Variants in ZNF385D observed in about 807,000 individuals in gnomAD.
The protein encoded by ZNF385D is zinc finger protein 385D.
A neutral mutation model predicts 35.8 loss-of-function variants in ZNF385D; 15 were observed. The ratio of observed to expected loss-of-function variants is 0.42; its 90% CI spans 0.28 to 0.64. The LOEUF (loss-of-function observed/expected upper bound fraction) is 0.64, where lower values mean the gene tolerates loss of function less well. Ranked by LOEUF, ZNF385D falls within the 30% of genes least tolerant of loss-of-function variation. The probability of loss-of-function intolerance (pLI) is 0.23; values close to 1 mark genes in which losing one functional copy is unlikely to be tolerated. For synonymous variants in ZNF385D, 212 were observed against 186.8 expected (o/e 1.13, Z -1.10); for missense variants, 474 against 494.6 (o/e 0.96, Z 0.39).
intron 7 of ZNF385D, among the ~76,000 whole-genome samples, chr3:21,422,058 G>C (rs1030201627): frequency 2.0e-5 from 3 of 152,098 alleles, no homozygotes; most frequent in Non-Finnish European, 2.9e-5. Context: ...TCTCTACAAA[G>C]CCAGTTCATT....
intron 3 of ZNF385D, among the ~76,000 whole-genome samples, chr3:21,838,958 C>G (rs1010880075): frequency 6.6e-6 from 1 of 151,998 alleles, no homozygotes; most frequent in Non-Finnish European, 1.5e-5. Context: ...TCTGTCGATG[C>G]TTACAGCAGT....
At chr3:22,361,743 A>C (rs1157800283) in intron 2 of ZNF385D, among the ~76,000 whole-genome samples, 1 of 151,994 alleles carries the variant, frequency 6.6e-6, no homozygotes, top group Admixed American at 6.6e-5. Flanking sequence ...TGAGTCAAAA[A>C]TAGTTCACTA....
At chr3:21,436,379 G>A (rs971942279) in intron 5 of ZNF385D, among the ~76,000 whole-genome samples, 11 of 152,210 alleles carry the variant, frequency 7.2e-5, no homozygotes, top group Admixed American at 5.9e-4. Flanking sequence ...CCTTCTCTGA[G>A]CTTCAAACAA....
intron 2 of ZNF385D, among the ~76,000 whole-genome samples, chr3:22,336,909 CAA>C (rs59822476): frequency 1.4e-3 from 68 of 47,956 alleles, no homozygotes; most frequent in East Asian, 5.1e-3. Context: ...AGTGATTTTT[CAA>C]AAAAAAAAAA....
chr3:22,327,500 C>G (rs995555158), intron 2 of ZNF385D, among the ~76,000 whole-genome samples: 1 of 152,038 alleles, frequency 6.6e-6, no homozygotes, highest in Non-Finnish European at 1.5e-5. Context: ...AAAGTTATAC[C>G]CATCACATTG....
chr3:21,811,588 G>C (rs1471298476), intron 3 of ZNF385D, among the ~76,000 whole-genome samples: 1 of 152,106 alleles, frequency 6.6e-6, no homozygotes, highest in Non-Finnish European at 1.5e-5. Flanking sequence ...CCAATGTATG[G>C]CGATAACTAA....
chr3:21,613,640 T>C (rs752228259), intron 2 of ZNF385D, among the ~76,000 whole-genome samples: 2 of 152,218 alleles, frequency 1.3e-5, no homozygotes, highest in Non-Finnish European at 2.9e-5. Context: ...TATTTATTAA[T>C]TGAATGGCCC....
intron 2 of ZNF385D, among the ~76,000 whole-genome samples, chr3:22,327,022 G>A (rs1385469535): frequency 2.0e-5 from 3 of 152,168 alleles, no homozygotes; most frequent in African/African-American, 4.8e-5. Context: ...GGGAGAAAAG[G>A]ACAGGAGATG....
At chr3:21,860,903 C>T (rs749725471) in intron 3 of ZNF385D, among the ~76,000 whole-genome samples, 5 of 152,058 alleles carry the variant, frequency 3.3e-5, no homozygotes, top group African/African-American at 7.2e-5. Context: ...CATTTAGATT[C>T]GATGTCTGAT....
At chr3:21,658,871 C>G (rs1257781709) in intron 2 of ZNF385D, among the ~76,000 whole-genome samples, 2 of 151,984 alleles carry the variant, frequency 1.3e-5, no homozygotes, top group Non-Finnish European at 2.9e-5. Context: ...CCATTTTCAA[C>G]AAATGAAGCA....
At chr3:22,205,575 G>C (rs139671801) in intron 2 of ZNF385D, among the ~76,000 whole-genome samples, 145 of 151,998 alleles carry the variant, frequency 9.5e-4, no homozygotes, top group African/African-American at 3.1e-3. Context: ...GATATAAATA[G>C]AAATAACAAA....
At chr3:22,278,555 A>C (rs1001025068) in intron 2 of ZNF385D, among the ~76,000 whole-genome samples, 3 of 152,094 alleles carry the variant, frequency 2.0e-5, no homozygotes, top group African/African-American at 7.2e-5. Context: ...CCAGTTTAAA[A>C]TTTGATCTCA....
intron 3 of ZNF385D, among the ~76,000 whole-genome samples, chr3:22,102,576 T>G (rs1701995064): frequency 6.6e-6 from 1 of 152,050 alleles, no homozygotes; most frequent in Non-Finnish European, 1.5e-5. Context: ...TAGCAACTTC[T>G]TTGCTGTCAC....
At chr3:22,018,241 T>C (rs1008846436) in intron 3 of ZNF385D, among the ~76,000 whole-genome samples, 7 of 136,970 alleles carry the variant, frequency 5.1e-5, no homozygotes, top group African/African-American at 2.5e-4. Flanking sequence ...GGATATGTGT[T>C]TTTTTTTAAG....
At chr3:21,566,659 T>A (rs1309602439) in intron 2 of ZNF385D, among the ~76,000 whole-genome samples, 1 of 152,160 alleles carries the variant, frequency 6.6e-6, no homozygotes, top group African/African-American at 2.4e-5. Flanking sequence ...CCTTCACTAG[T>A]GAATTCTATA....
intron 3 of ZNF385D, among the ~76,000 whole-genome samples, chr3:21,822,493 C>T (rs983625989): frequency 3.9e-5 from 6 of 152,230 alleles, no homozygotes; most frequent in South Asian, 2.1e-4. Context: ...CATGTAAAAT[C>T]GTACAACAAT....
chr3:21,918,482 A>G (rs1399859244), intron 3 of ZNF385D, among the ~76,000 whole-genome samples: 4 of 152,138 alleles, frequency 2.6e-5, no homozygotes, highest in Admixed American at 1.3e-4. Flanking sequence ...TACTTCAGAT[A>G]ATTTTTGGGT....
intron 4 of ZNF385D, among the ~76,000 whole-genome samples, chr3:21,508,316 C>G (rs1706942050): frequency 6.6e-6 from 1 of 152,086 alleles, no homozygotes; most frequent in African/African-American, 2.4e-5. Context: ...GACTGCCACC[C>G]TTCAAAGTTG....
At chr3:22,019,180 C>A (rs1313765019) in intron 3 of ZNF385D, among the ~76,000 whole-genome samples, 1 of 150,784 alleles carries the variant, frequency 6.6e-6, no homozygotes. Context: ...CTGTGCCAAT[C>A]TGTAATATTA....
Sources: gnomAD v4.1 joint callset for allele counts (sites outside exome capture counted in the v4.1 genomes callset) on GRCh38, gnomAD v4.1.1 for gene constraint, MANE v1.5 for transcripts, NCBI Gene and HGNC (gene_info 2026-07-23, HGNC 2026-07-21) for gene names.